Variants in ZNF641 observed in about 807,000 individuals in gnomAD.
ZNF641 encodes zinc finger protein 641.
In ZNF641, 26 loss-of-function variants were observed where a neutral mutation model predicts 46.2. The ratio of observed to expected loss-of-function variants is 0.56; its 90% confidence interval spans 0.41 to 0.78. The LOEUF (loss-of-function observed/expected upper bound fraction) is 0.78. Among genes scored for constraint, ZNF641 ranks in the 30% least tolerant of loss-of-function variants. The pLI is 0.00. For synonymous variants in ZNF641, 163 were observed against 187.9 expected, an observed-to-expected ratio of 0.87 and a Z score of 1.09; for missense variants, 469 against 517.8, an observed-to-expected ratio of 0.91 and a Z score of 0.91.
In ZNF641 at chr12:48,343,135, G is replaced by C; in HGVS notation, c.1113C>G (p.His371Gln). Residue 371 changes from histidine to glutamine, a missense_variant, in exon 6 of 6, where the codon CAC becomes CAG. Around this residue, in one of 3 missense-constraint regions of ZNF641, gnomAD observed 346 missense variants for 354.0 expected, o/e 0.98. Transcript: ENST00000547026. Reference protein sequence around the residue: ...TECGKSFGRRHHLVRHWLTHT... With the variant: ...TECGKSFGRRQHLVRHWLTHT... ...GGGTCAGCCAGTGTCTCACAAGGTG[G>C]TGCCTTCGGCCAAAGCTCTTCCCAC... 2 of 1,614,154 alleles carry C rather than the reference G, an allele frequency of 1.2e-6. No individual in the cohort carries two copies. Among genetic ancestry groups the C allele is most frequent in the Non-Finnish European group, 1.7e-6 (2 of 1,180,038 alleles).
At chr12:48,344,771 TG>T in intron 4 of ZNF641, 59 bp from the exon 5 acceptor site, 1 of 986,360 alleles carries the variant, frequency 1.0e-6, no homozygotes, top group Non-Finnish European at 1.5e-6. Flanking sequence ...TCTATATTTC[TG>T]AAAAAAAAAT....
chr12:48,339,251 C>G lies in ZNF641; in HGVS notation c.*3722G>C, dbSNP rs1357326968. 1 of 152,192 alleles carries G rather than the reference C, an allele frequency of 6.6e-6. No homozygotes were observed. The highest frequency in any genetic ancestry group is 1.5e-5 in the Non-Finnish European group (1 of 68,046). 9.4% of individuals were successfully genotyped at this position (152,192 alleles called of 1,614,324 possible). ...AGGCTACAGAGAATAAACCTGACAA[C>G]AGGAGTGTGAAGATCCATCCGAAAA... On this transcript the variant is annotated 3_prime_UTR_variant, in exon 6 of 6. Coordinates refer to ENST00000547026, the MANE Select transcript of ZNF641 (RefSeq NM_001172681.2).
Position 48,340,342 on chromosome 12 carries a change from A to G in ZNF641, c.*2631T>C. 16 of 985,448 alleles carry G rather than the reference A, an allele frequency of 1.6e-5. No individual in the cohort carries two copies. Among genetic ancestry groups the G allele is most frequent in the Non-Finnish European group, 1.8e-5 (15 of 829,930 alleles). The allele number at this position is 985,448 out of a possible 1,614,324, so 61.0% of individuals were successfully genotyped here. A position where few individuals can be genotyped will look rare whatever the true frequency, so the allele number is the denominator to read the frequency against. ...ATTACTCAAACAGATAAAAGGCTGG[A>G]TGTTAACATGTAGTTATAAGGGGCG... On this transcript the variant is annotated 3_prime_UTR_variant, in exon 6 of 6. Transcript: ENST00000547026.
chr12:48,334,924 C>T (rs1316440778), downstream of ZNF641, among the ~76,000 whole-genome samples: 1 of 152,198 alleles, frequency 6.6e-6, no homozygotes, highest in Non-Finnish European at 1.5e-5. Context: ...AGGATGTCTG[C>T]TCAGAAGGGA....
chr12:48,346,235 G>A (rs1280331111), intron 3 of ZNF641, among the ~76,000 whole-genome samples: 1 of 152,040 alleles, frequency 6.6e-6, no homozygotes, highest in Non-Finnish European at 1.5e-5. Flanking sequence ...GCACAGTATG[G>A]TGGTTAGGAG....
In ZNF641 at chr12:48,343,165, A is replaced by G. The variant is rs1952763388; in HGVS notation, c.1083T>C (p.Thr361=). The change falls in exon 6 of 6, where the codon ACT becomes ACC. Residue 361 remains threonine (T), a synonymous_variant. Transcript: ENST00000547026. ...TTCGGCCAAAGCTCTTCCCACATTC[A>G]GTGCACACGTGACACTTTGGCACTG... ...APPVPKCHVC[T]ECGKSFGRRH... 5.0e-6 allele frequency: 8 copies of G among 1,613,936 alleles called. No homozygotes were observed. Among genetic ancestry groups the G allele is most frequent in the Non-Finnish European group, 6.8e-6 (8 of 1,180,006 alleles).
At chr12:48,348,291 T>C (rs1952936645) in intron 1 of ZNF641, among the ~76,000 whole-genome samples, 176 bp from the exon 2 acceptor site, 1 of 152,186 alleles carries the variant, frequency 6.6e-6, no homozygotes, top group African/African-American at 2.4e-5. Flanking sequence ...ACCAAGCTTC[T>C]TGGAGGAACT....
chr12:48,342,918 G>T lies in ZNF641; in HGVS notation c.*55C>A. On this transcript the variant is annotated 3_prime_UTR_variant, in exon 6 of 6. Coordinates refer to ENST00000547026, the MANE Select transcript of ZNF641 (RefSeq NM_001172681.2). Reference sequence around the variant, plus strand: ...TCAGGAGAACGGCAGCCCTGGCAGTGACTCCTGGTAGCACCGGCTGATAGA... The same window carrying T: ...TCAGGAGAACGGCAGCCCTGGCAGTTACTCCTGGTAGCACCGGCTGATAGA... The T allele has an allele frequency of 6.5e-7, 1 of 1,541,742 alleles. No individual in the cohort carries two copies. The highest frequency in any genetic ancestry group is 1.3e-5 in the South Asian group (1 of 79,296).
chr12:48,343,106 G>T lies in ZNF641; in HGVS notation c.1142C>A (p.Thr381Asn), dbSNP rs200604563. 13 of 1,614,260 alleles carry T rather than the reference G, an allele frequency of 8.1e-6. No homozygotes were observed. Among genetic ancestry groups the T allele is most frequent in the African/African-American group, 1.3e-5 (1 of 75,072 alleles). The change falls in exon 6 of 6, where the codon ACT becomes AAT. Residue 381 changes from threonine (T) to asparagine (N), a missense_variant. Thr to Asn is a moderately conservative substitution (Grantham distance 65). Coordinates refer to ENST00000547026, the MANE Select transcript of ZNF641 (RefSeq NM_001172681.2). ...AGGGCACTGGAAGGGCTTCTCCCCAGTGTGGGTCAGCCAGTGTCTCACAAG... is the reference window on the plus strand; with the variant it reads ...AGGGCACTGGAAGGGCTTCTCCCCATTGTGGGTCAGCCAGTGTCTCACAAG... ...HHLVRHWLTH[T>N]GEKPFQCPRC...
chr12:48,343,403 T>G lies in ZNF641; in HGVS notation c.845A>C (p.Lys282Thr), dbSNP rs1156476399. Residue 282 changes from lysine to threonine, a missense_variant, in exon 6 of 6, where the codon AAG becomes ACG. Physicochemically the swap from Lys to Thr is moderately conservative, Grantham distance 78 (BLOSUM62 -1). Transcript: ENST00000547026. ...TCTTCGCCCAAAGGTCTTCTCACAC[T>G]TGAGGCAGCTGTAGGGTCTCTCCCC... Reference protein sequence around the residue: ...HTGERPYSCLKCEKTFGRRHH... With the variant: ...HTGERPYSCLTCEKTFGRRHH... The G allele has an allele frequency of 2.5e-6, 4 of 1,613,974 alleles. No individual in the cohort carries two copies. Among genetic ancestry groups the G allele is most frequent in the Admixed American group, 1.7e-5 (1 of 59,998 alleles).
intron 3 of ZNF641, among the ~76,000 whole-genome samples, chr12:48,346,591 C>T (rs899242465): frequency 1.3e-5 from 2 of 152,194 alleles, no homozygotes; most frequent in Non-Finnish European, 2.9e-5. Context: ...AATCCTTCCA[C>T]TTTAGGTTCT....
chr12:48,343,238 TGGC>T lies in ZNF641; in HGVS notation c.1007_1009del (p.Gly336_Gln337delinsGlu). 1 of 1,614,252 alleles carries T rather than the reference TGGC, an allele frequency of 6.2e-7. No individual in the cohort carries two copies. Among genetic ancestry groups the T allele is most frequent in the Non-Finnish European group, 8.5e-7 (1 of 1,180,046 alleles). On this transcript the variant is annotated inframe_deletion, in exon 6 of 6. Transcript: ENST00000547026. ...TGTGCCAGGGCTCTCTCCAACCTCT[TGGC>T]CTTTGCAGGATTTGCCTTCTGCATG...
chr12:48,348,155 A>G, intron 1 of ZNF641, 40 bp from the exon 2 acceptor site: 3 of 1,595,910 alleles, frequency 1.9e-6, no homozygotes, highest in Non-Finnish European at 1.7e-6. Flanking sequence ...TGAAAATGGG[A>G]AAGGAGTGAT....
Position 48,350,879 on chromosome 12 carries a change from C to T in ZNF641, c.-119G>A. On this transcript the variant is annotated 5_prime_UTR_variant, in exon 1 of 6. Coordinates refer to ENST00000547026, the MANE Select transcript of ZNF641 (RefSeq NM_001172681.2). ...CCGCTTGCGTCTGGGAGCCGGCGGC[C>T]GGCGGAGCCAGCGACAGGCGGAGAC... 5.1e-6 allele frequency: 5 copies of T among 984,948 alleles called. No individual in the cohort carries two copies. Among genetic ancestry groups the T allele is most frequent in the Non-Finnish European group, 6.0e-6 (5 of 829,718 alleles). 61.0% of individuals were successfully genotyped at this position (984,948 alleles called of 1,614,324 possible). A position where few individuals can be genotyped will look rare whatever the true frequency, so the allele number is the denominator to read the frequency against.
chr12:48,337,065 T>G (rs548569454), downstream of ZNF641: 74 of 152,158 alleles, frequency 4.9e-4, no homozygotes, highest in Admixed American at 3.5e-3. Context: ...GTGAGACGAG[T>G]TCGTTCTCAG....
In ZNF641 at chr12:48,342,407, G is replaced by A; in HGVS notation, c.*566C>T. On this transcript the variant is annotated 3_prime_UTR_variant, in exon 6 of 6. Transcript: ENST00000547026. The stretch of plus-strand genomic sequence containing the variant: ...CCTGATCACTATCTCTTGTTTCCTT[G>A]TTACTCTCTAACCCAGTGTTCACCA... The A allele has an allele frequency of 3.0e-6, 3 of 985,980 alleles. No individual in the cohort carries two copies. Among genetic ancestry groups the A allele is most frequent in the Non-Finnish European group, 3.6e-6 (3 of 830,410 alleles). 61.1% of individuals were successfully genotyped at this position (985,980 alleles called of 1,614,324 possible). A position where few individuals can be genotyped will look rare whatever the true frequency, so the allele number is the denominator to read the frequency against.
Position 48,341,546 on chromosome 12 carries a change from A to T in ZNF641, c.*1427T>A. ...GCAGCTGAAAAGCTAAGCCACAGCC[A>T]TTTTCCCTAAAGTTCTGTTTCTGGG... is the stretch of plus-strand genomic sequence containing the variant. On this transcript the variant is annotated 3_prime_UTR_variant, in exon 6 of 6. Transcript: ENST00000547026. 1.0e-6 allele frequency: 1 copy of T among 985,468 alleles called. No individual in the cohort carries two copies. The highest frequency in any genetic ancestry group is 1.2e-6 in the Non-Finnish European group (1 of 829,946). 61.0% of individuals were successfully genotyped at this position (985,468 alleles called of 1,614,324 possible). A position where few individuals can be genotyped will look rare whatever the true frequency, so the allele number is the denominator to read the frequency against.
intron 3 of ZNF641, among the ~76,000 whole-genome samples, chr12:48,346,060 C>T (rs1592146041): frequency 6.6e-6 from 1 of 152,148 alleles, no homozygotes; most frequent in South Asian, 2.1e-4. Flanking sequence ...CCCACCACTA[C>T]ACCCAGCTAT....
Position 48,340,187 on chromosome 12 carries a change from A to G in ZNF641, c.*2786T>C. On this transcript the variant is annotated 3_prime_UTR_variant, in exon 6 of 6. Transcript: ENST00000547026. ...GAGGTGGTGTTGGACCGAGGTAGAG[A>G]AGACAGTGGTACACCAGAAATAACC... The G allele has an allele frequency of 1.0e-6, 1 of 985,358 alleles. No homozygotes were observed. The highest frequency in any genetic ancestry group is 1.2e-6 in the Non-Finnish European group (1 of 829,918). 61.0% of individuals were successfully genotyped at this position (985,358 alleles called of 1,614,324 possible).
Sources: gnomAD v4.1 joint callset for allele counts (sites outside exome capture counted in the v4.1 genomes callset) on GRCh38, gnomAD v4.1.1 for gene constraint, gnomAD v4.1.1 regional missense constraint, MANE v1.5 for transcripts, NCBI Gene and HGNC (gene_info 2026-07-23, HGNC 2026-07-21) for gene names.